Variants in TASOR observed in about 807,000 individuals in gnomAD.
The protein encoded by TASOR is protein TASOR.
TASOR carries 53 observed loss-of-function variants against 178.6 expected under a neutral mutation model. That is an observed-to-expected ratio of 0.30 (90% CI 0.24 to 0.37). The LOEUF is 0.37. Among genes scored for constraint, TASOR ranks in the 10% least tolerant of loss-of-function variants. The pLI, the probability that TASOR is intolerant of heterozygous loss-of-function variation, is 1.00. For missense variants in TASOR, 1,815 were observed against 1,971.4 expected (o/e 0.92, Z 1.50); for synonymous variants, 713 against 696.2 (o/e 1.02, Z -0.38).
Position 56,633,946 on chromosome 3 carries a change from GTTC to G in TASOR, c.2842_2844del (p.Glu948del), listed in dbSNP as rs1381764285. 1.3e-6 allele frequency: 2 copies of G among 1,548,754 alleles called. No individual in the cohort carries two copies. Among genetic ancestry groups the G allele is most frequent in the Non-Finnish European group, 8.7e-7 (1 of 1,145,982 alleles). ...TCCTGTGGTGGCACACACACCAGTT[GTTC>G]TTCTGGTGATTTCATACCTATACAG... On this transcript the variant is annotated inframe_deletion, in exon 18 of 24. Transcript: ENST00000683822.
chr3:56,661,284 C>A (rs567985822), intron 9 of TASOR, among the ~76,000 whole-genome samples: 1 of 152,280 alleles, frequency 6.6e-6, no homozygotes, highest in African/African-American at 2.4e-5. Context: ...GCAGCTGGGA[C>A]TACAGGCATG....
intron 14 of TASOR, among the ~76,000 whole-genome samples, chr3:56,644,308 C>G (rs991741915): frequency 1.3e-5 from 2 of 151,130 alleles, no homozygotes; most frequent in African/African-American, 4.9e-5. Context: ...GTAAACAGAG[C>G]TCTCAAGACA....
rs2076709092 is a variant in TASOR, at chr3:56,622,501, TAAGCC to T, written c.*531_*535del. On this transcript the variant is annotated 3_prime_UTR_variant, in exon 24 of 24. Transcript: ENST00000683822. ...TAGCAATAGGCAGTTTTTACATGAC[TAAGCC>T]TAGAGATAAAAAATGTGTCCTATGT... The T allele has an allele frequency of 6.6e-6, 1 of 152,616 alleles. No homozygotes were observed. 9.5% of individuals were successfully genotyped at this position (152,616 alleles called of 1,614,324 possible).
intron 11 of TASOR, among the ~76,000 whole-genome samples, chr3:56,660,489 C>CAAAAA (rs35016053): frequency 1.1e-4 from 7 of 66,040 alleles, no homozygotes; most frequent in East Asian, 3.9e-4. Context: ...GACTCCGTCT[C>CAAAAA]AAAAAAAAAA....
chr3:56,672,037 T>A (rs569463491), intron 2 of TASOR, among the ~76,000 whole-genome samples: 1 of 152,286 alleles, frequency 6.6e-6, no homozygotes, highest in South Asian at 2.1e-4. Flanking sequence ...GTTTAATAAA[T>A]CTGCTGAATG....
At chr3:56,642,552 G>C (rs1213055807) in intron 14 of TASOR, among the ~76,000 whole-genome samples, 1 of 152,158 alleles carries the variant, frequency 6.6e-6, no homozygotes, top group African/African-American at 2.4e-5. Context: ...CAGAAACAAA[G>C]GAGTGCATAC....
chr3:56,672,890 G>A (rs546680407), intron 2 of TASOR, among the ~76,000 whole-genome samples: 5 of 152,190 alleles, frequency 3.3e-5, no homozygotes, highest in Admixed American at 1.3e-4. Flanking sequence ...GCAGTGGCGC[G>A]ATCTCAGCTC....
At position 56,638,753 on chromosome 3, in the gene TASOR, C is replaced by A; in HGVS notation, c.2777G>T (p.Arg926Ile). The change falls in exon 17 of 24, where the codon AGA becomes ATA. Residue 926 changes from arginine to isoleucine, a missense_variant. Physicochemically the swap from Arg to Ile is moderately conservative, Grantham distance 97. Around this residue, in one of 5 missense-constraint regions of TASOR, gnomAD observed 655 missense variants for 671.1 expected, o/e 0.98. Coordinates refer to ENST00000683822, the MANE Select transcript of TASOR (RefSeq NM_001365635.2). Reference protein sequence around the residue: ...KLIPITGGNARSPEDQLGKHG... With the variant: ...KLIPITGGNAISPEDQLGKHG... ...TTTCCCCAGCTGGTCTTCTGGGCTT[C>A]TTGCATTCCCTCCTGAGGGAAAGCA... 1.2e-6 allele frequency: 2 copies of A among 1,614,138 alleles called. No homozygotes were observed. Among genetic ancestry groups the A allele is most frequent in the Non-Finnish European group, 1.7e-6 (2 of 1,179,994 alleles).
intron 2 of TASOR, among the ~76,000 whole-genome samples, chr3:56,673,120 A>G (rs2030897329): frequency 6.6e-6 from 1 of 152,178 alleles, no homozygotes; most frequent in Non-Finnish European, 1.5e-5. Context: ...TGAATTTACA[A>G]TTGAACCATT....
chr3:56,627,243 A>G (rs2076818443), intron 20 of TASOR, 98 bp from the exon 21 acceptor site: 2 of 711,588 alleles, frequency 2.8e-6, no homozygotes, highest in Admixed American at 2.7e-5. Context: ...AGAAACACCT[A>G]CTTTCCTATG....
chr3:56,680,965 G>T (rs1458619709), intron 1 of TASOR, among the ~76,000 whole-genome samples: 1 of 151,534 alleles, frequency 6.6e-6, no homozygotes, highest in Admixed American at 6.6e-5. Context: ...AACAATCTCT[G>T]GATTTTATCT....
At chr3:56,648,931 T>A (rs767471374) in intron 12 of TASOR, 38 bp from the exon 13 acceptor site, 1 of 1,598,032 alleles carries the variant, frequency 6.3e-7, no homozygotes, top group South Asian at 1.1e-5. Flanking sequence ...CAATGTGTTT[T>A]AACTAAAAAG....
chr3:56,639,900 G>C, intron 16 of TASOR, 86 bp downstream of exon 16: 1 of 1,245,332 alleles, frequency 8.0e-7, no homozygotes, highest in Non-Finnish European at 1.1e-6. Flanking sequence ...TGACCCAAGA[G>C]TGAAATCCAC....
Position 56,641,657 on chromosome 3 carries a change from G to C in TASOR, c.2311C>G (p.Leu771Val). Residue 771 changes from leucine (L) to valine (V), a missense_variant, in exon 15 of 24, where the codon CTG (leucine) becomes GTG (valine). Physicochemically the swap from Leu to Val is conservative, Grantham distance 32. Coordinates refer to ENST00000683822, the MANE Select transcript of TASOR (RefSeq NM_001365635.2). The part of the protein sequence containing the change: ...CNSGIADIHR[L>V]FNWLSETLAN... ...AGTGTTTCTGATAACCAATTAAACA[G>C]CCTATGGATGTCAGCAATGCCGGAG... 1.2e-6 allele frequency: 2 copies of C among 1,614,194 alleles called. No homozygotes were observed. The highest frequency in any genetic ancestry group is 1.7e-6 in the Non-Finnish European group (2 of 1,180,044).
intron 4 of TASOR, 129 bp downstream of exon 4, chr3:56,669,944 T>A: frequency 1.2e-6 from 1 of 861,014 alleles, no homozygotes; most frequent in South Asian, 1.9e-5. Context: ...TCAGAACCTA[T>A]GACTAGTCTT....
intron 1 of TASOR, among the ~76,000 whole-genome samples, chr3:56,680,289 G>A (rs527860154): frequency 2.6e-5 from 4 of 152,240 alleles, no homozygotes; most frequent in Admixed American, 1.3e-4. Context: ...TTGAGATTTA[G>A]TCAATGTATG....
At position 56,682,968 on chromosome 3, in the gene TASOR, C is replaced by T; in HGVS notation, c.39G>A (p.Thr13=). ...CGCCGCCACTTTCCCAACTCGCATC[C>T]GTCGGCTGACAGGCCTCCGTCTCCA... is the stretch of plus-strand genomic sequence containing the variant. ...TAVETEACQP[T]DASWESGGGG... The change falls in exon 1 of 24, where the codon ACG becomes ACA. Residue 13 remains threonine, a synonymous_variant. Coordinates refer to ENST00000683822, the MANE Select transcript of TASOR (RefSeq NM_001365635.2). The T allele has an allele frequency of 6.5e-7, 1 of 1,549,254 alleles. No homozygotes were observed.
intron 1 of TASOR, among the ~76,000 whole-genome samples, chr3:56,674,223 A>AAAAAAC (rs2031048156): frequency 6.7e-6 from 1 of 148,512 alleles, no homozygotes. Context: ...AAAAAAAAAA[A>AAAAAAC]AGCTTGGTGG....
rs2076827575 is a variant in TASOR, at chr3:56,627,627, T to C, written c.3985A>G (p.Ile1329Val). The C allele has an allele frequency of 1.2e-6, 2 of 1,614,008 alleles. No homozygotes were observed. Among genetic ancestry groups the C allele is most frequent in the Admixed American group, 1.7e-5 (1 of 60,008 alleles). The change falls in exon 20 of 24, where the codon ATC (isoleucine) becomes GTC (valine). Residue 1329 changes from isoleucine (I) to valine (V), a missense_variant. Around this residue, in one of 5 missense-constraint regions of TASOR, gnomAD observed 134 missense variants for 195.2 expected, o/e 0.69. Transcript: ENST00000683822. ...TTTAGAATTGATTCATCAGATACGA[T>C]AAAACCTCCAGATACAAATAATTCA... ...YNELFVSGGF[I>V]VSDESILNPE...
Sources: allele counts gnomAD v4.1 joint callset (sites outside exome capture counted in the v4.1 genomes callset), GRCh38; gene constraint gnomAD v4.1.1; regional missense constraint gnomAD v4.1.1; transcripts MANE v1.5; gene names NCBI Gene and HGNC (gene_info 2026-07-23, HGNC 2026-07-21).